Variants in WDR48 observed in about 807,000 individuals in gnomAD.
The protein encoded by WDR48 is WD repeat-containing protein 48.
Under a neutral mutation model 94.0 loss-of-function variants are expected in WDR48, and 22 were observed. That is an observed-to-expected ratio of 0.23 (90% CI 0.17 to 0.33). The LOEUF (loss-of-function observed/expected upper bound fraction) is 0.33. WDR48 is among the 10% of genes least tolerant of loss of function. The pLI is 1.00. For missense variants in WDR48, 541 were observed against 813.8 expected (o/e 0.66, Z 4.08); for synonymous variants, 278 against 280.5 (o/e 0.99, Z 0.09).
intron 1 of WDR48, among the ~76,000 whole-genome samples, chr3:39,056,964 G>A (rs945695780): frequency 6.6e-6 from 1 of 152,032 alleles, no homozygotes; most frequent in African/African-American, 2.4e-5. Flanking sequence ...GGTTTGGAGG[G>A]GGAAGCCTTC....
chr3:39,079,693 GT>G lies in WDR48; in HGVS notation c.1076-9del, dbSNP rs566653374. ...GTAGAAAGATTGTTTTACCAATTGT[GT>G]TTTTTTTTCCCATTAGGGGGTGCTA... On this transcript the variant is annotated splice_polypyrimidine_tract_variant and intron_variant, in intron 10 of 18. Transcript: ENST00000302313. 2.5e-4 allele frequency: 367 copies of G among 1,441,980 alleles called. No individual in the cohort carries two copies. In the South Asian group the frequency reaches 3.6e-3, roughly 14 times the overall value. The allele number at this position is 1,441,980 out of a possible 1,614,324, so 89.3% of individuals were successfully genotyped here. A position where few individuals can be genotyped will look rare whatever the true frequency, so the allele number is the denominator to read the frequency against.
Position 39,064,157 on chromosome 3 carries a change from A to G in WDR48, c.189+967A>G, listed in dbSNP as rs74658580. The stretch of plus-strand genomic sequence containing the variant: ...AGAGAAAAGAAGAATCAGGGAAGAA[A>G]AAAAGAGCATTTATTGATCTTCTAA... On this transcript the variant is annotated intron_variant, in intron 2 of 18. Coordinates refer to ENST00000302313, the MANE Select transcript of WDR48 (RefSeq NM_020839.4). Among the ~76,000 whole-genome samples the G allele has an allele frequency of 6.9e-3, 1,046 of 152,256 alleles. 10 individuals are homozygous for G. The highest frequency in any genetic ancestry group is 0.024 in the African/African-American group (1,004 of 41,532).
chr3:39,075,384 T>G (rs2034166211), intron 8 of WDR48, among the ~76,000 whole-genome samples: 1 of 152,078 alleles, frequency 6.6e-6, no homozygotes, highest in South Asian at 2.1e-4. Context: ...AGGTTATCTG[T>G]GAGCAGACAA....
intron 2 of WDR48, among the ~76,000 whole-genome samples, chr3:39,063,765 A>G (rs1275123742): frequency 6.6e-6 from 1 of 151,700 alleles, no homozygotes. Context: ...CAATGTGACA[A>G]TACCCTGTCT....
At chr3:39,065,470 A>C (rs539381532) in intron 2 of WDR48, among the ~76,000 whole-genome samples, 1 of 151,946 alleles carries the variant, frequency 6.6e-6, no homozygotes, top group East Asian at 1.9e-4. Flanking sequence ...CCTACAAGTC[A>C]TGTCCTTTCT....
intron 7 of WDR48, among the ~76,000 whole-genome samples, chr3:39,072,838 A>T (rs1035501041): frequency 3.3e-5 from 5 of 152,186 alleles, no homozygotes; most frequent in Admixed American, 3.3e-4. Flanking sequence ...GCTGCGAAGA[A>T]GTTGGCCAAC....
At position 39,085,579 on chromosome 3, in the gene WDR48, A is replaced by G; in HGVS notation, c.1443A>G (p.Pro481=). 1 of 1,611,964 alleles carries G rather than the reference A, an allele frequency of 6.2e-7. No homozygotes were observed. Among genetic ancestry groups the G allele is most frequent in the Non-Finnish European group, 8.5e-7 (1 of 1,179,424 alleles). ...ATTGGCCTAGAACACATGTGAATCC[A>G]ATGGATGAAGAGGAAAATGAAGTAA... ...LEYWPRTHVN[P]MDEEENEVNH... is the part of the protein sequence containing the mutation. The change falls in exon 14 of 19, where the codon CCA becomes CCG. Residue 481 remains proline (P), a synonymous_variant. Transcript: ENST00000302313.
chr3:39,053,089 C>G (rs2125626523), intron 1 of WDR48, among the ~76,000 whole-genome samples: 1 of 152,306 alleles, frequency 6.6e-6, no homozygotes, highest in East Asian at 1.9e-4. Context: ...AGCCCTCTTA[C>G]AGGTGTTTGC....
intron 18 of WDR48, 76 bp from the exon 19 acceptor site, chr3:39,094,572 G>A (rs767050561): frequency 3.8e-6 from 6 of 1,583,242 alleles, no homozygotes; most frequent in African/African-American, 1.4e-5. Flanking sequence ...ATCACCTGAT[G>A]AGAGTCCCTG....
At chr3:39,085,475 G>T (rs146706397) in intron 13 of WDR48, 40 bp from the exon 14 acceptor site, 12 of 1,514,496 alleles carry the variant, frequency 7.9e-6, no homozygotes, top group Admixed American at 5.3e-5. Flanking sequence ...CAAGTAACTC[G>T]CTTTTCCATT....
intron 8 of WDR48, among the ~76,000 whole-genome samples, 155 bp downstream of exon 8, chr3:39,075,105 G>C (rs1264050610): frequency 6.6e-6 from 1 of 151,936 alleles, no homozygotes; most frequent in Admixed American, 6.6e-5. Context: ...AACTTGACAG[G>C]GTAAGGAAGA....
At chr3:39,077,966 C>G in intron 9 of WDR48, 171 bp from the exon 10 acceptor site, 1 of 534,186 alleles carries the variant, frequency 1.9e-6, no homozygotes, top group Non-Finnish European at 3.4e-6. Context: ...AAATTTGTTT[C>G]TTTCTAAACG....
At chr3:39,064,278 CT>C (rs532093383) in intron 2 of WDR48, among the ~76,000 whole-genome samples, 299 of 141,442 alleles carry the variant, frequency 2.1e-3, no homozygotes, top group African/African-American at 3.9e-3. Flanking sequence ...TCTTTTTTTT[CT>C]TTTTTTTTTT....
chr3:39,063,271 T>G (rs948996785), intron 2 of WDR48, 81 bp downstream of exon 2: 5 of 1,519,890 alleles, frequency 3.3e-6, no homozygotes, highest in Admixed American at 1.9e-5. Context: ...TTTCACAGTT[T>G]CAGATTTAAT....
At chr3:39,087,422 TGCTGG>T in intron 14 of WDR48, among the ~76,000 whole-genome samples, 1 of 152,300 alleles carries the variant, frequency 6.6e-6, no homozygotes, top group East Asian at 1.9e-4. Flanking sequence ...TTTGAAACCA[TGCTGG>T]GCGATATAGC....
At chr3:39,091,069 T>G (rs1178503998) in intron 16 of WDR48, 1 of 152,318 alleles carries the variant, frequency 6.6e-6, no homozygotes, top group African/African-American at 2.4e-5. Flanking sequence ...ATCCTTCATC[T>G]AAGAATGTGG....
At chr3:39,057,996 TA>T (rs1219495306) in intron 1 of WDR48, among the ~76,000 whole-genome samples, 2 of 152,272 alleles carry the variant, frequency 1.3e-5, no homozygotes, top group African/African-American at 4.8e-5. Flanking sequence ...GAAACATTTT[TA>T]TAATAATGAC....
intron 14 of WDR48, 47 bp from the exon 15 acceptor site, chr3:39,088,080 AT>A (rs1220310579): frequency 3.8e-6 from 6 of 1,573,990 alleles, no homozygotes; most frequent in African/African-American, 1.4e-5. Flanking sequence ...TAGAATCTGT[AT>A]TTTTAGCACT....
At chr3:39,077,311 C>G (rs1040791714) in intron 9 of WDR48, 98 bp downstream of exon 9, 3 of 1,350,310 alleles carry the variant, frequency 2.2e-6, no homozygotes, top group Non-Finnish European at 2.1e-6. Flanking sequence ...GGCCCTAACT[C>G]TAGCATGCTT....
Sources: allele counts gnomAD v4.1 joint callset (sites outside exome capture counted in the v4.1 genomes callset), GRCh38; gene constraint gnomAD v4.1.1; transcripts MANE v1.5; gene names NCBI Gene and HGNC (gene_info 2026-07-23, HGNC 2026-07-21).